GALK2: variants seen among roughly 807,000 people sequenced by gnomAD.
GALK2 encodes N-acetylgalactosamine kinase.
A neutral mutation model predicts 52.4 loss-of-function variants in GALK2; 36 were observed. The ratio of observed to expected loss-of-function variants is 0.69; its 90% CI spans 0.53 to 0.91. The LOEUF is 0.91. Ranked by LOEUF, GALK2 falls within the 40% of genes least tolerant of loss-of-function variation. The pLI is 0.00. For synonymous variants in GALK2, 176 were observed against 199.1 expected (o/e 0.88, Z 0.98); for missense variants, 579 against 559.1 (o/e 1.04, Z -0.36).
At position 49,329,696 on chromosome 15, in the gene GALK2, T is replaced by C. The variant is rs534277253; in HGVS notation, c.*1537T>C. The C allele has an allele frequency of 6.2e-6, 6 of 975,180 alleles. No homozygotes were observed. The highest frequency in any genetic ancestry group is 7.3e-6 in the Non-Finnish European group (6 of 820,646). The allele number at this position is 975,180 out of a possible 1,614,324, so 60.4% of individuals were successfully genotyped here. On this transcript the variant is annotated 3_prime_UTR_variant, in exon 10 of 10. Coordinates refer to ENST00000560031, the MANE Select transcript of GALK2 (RefSeq NM_002044.4). Reference sequence around the variant, plus strand: ...TTTGAGTTCTATAAATCCAAAAATCTGAAACCTGAATTTATTTAAATTTAT... The same window carrying C: ...TTTGAGTTCTATAAATCCAAAAATCCGAAACCTGAATTTATTTAAATTTAT...
chr15:49,183,799 C>T (rs908825919), intron 1 of GALK2, among the ~76,000 whole-genome samples: 24 of 149,592 alleles, frequency 1.6e-4, no homozygotes, highest in South Asian at 4.2e-4. Context: ...GCCAAGATCA[C>T]ACCATTGCAC....
At chr15:49,311,635 T>C (rs2035997045) in intron 8 of GALK2, among the ~76,000 whole-genome samples, 1 of 152,258 alleles carries the variant, frequency 6.6e-6, no homozygotes, top group Admixed American at 6.5e-5. Context: ...GTTTAATTCC[T>C]ATGTGGATGT....
chr15:49,241,488 G>A (rs2091091498), intron 5 of GALK2, among the ~76,000 whole-genome samples: 1 of 152,156 alleles, frequency 6.6e-6, no homozygotes, highest in South Asian at 2.1e-4. Context: ...TGAAAGGAGT[G>A]GTAGTGTTGT....
chr15:49,367,598 C>T (rs759641323), exon 4 of GALK2: 6 of 1,570,412 alleles, frequency 3.8e-6, no homozygotes, highest in South Asian at 1.2e-5. Flanking sequence ...ACCAGTACTA[C>T]TATAGTGCGA....
At chr15:49,176,127 A>G (rs999989806) in intron 1 of GALK2, among the ~76,000 whole-genome samples, 1 of 152,262 alleles carries the variant, frequency 6.6e-6, no homozygotes, top group Admixed American at 6.5e-5. Flanking sequence ...CCAGAGAGAC[A>G]TGAATATGGC....
At chr15:49,237,918 T>A (rs893359176) in intron 4 of GALK2, among the ~76,000 whole-genome samples, 5 of 152,078 alleles carry the variant, frequency 3.3e-5, no homozygotes, top group Non-Finnish European at 5.9e-5. Context: ...AGAGTTTCAG[T>A]TTATAGTTTG....
chr15:49,255,038 C>T (rs952249028), intron 5 of GALK2, among the ~76,000 whole-genome samples: 1 of 143,350 alleles, frequency 7.0e-6, no homozygotes. Flanking sequence ...GCGGACATCA[C>T]CTCTGAGTAC....
At chr15:49,308,038 A>T (rs866566583) in intron 8 of GALK2, among the ~76,000 whole-genome samples, 1 of 152,230 alleles carries the variant, frequency 6.6e-6, no homozygotes, top group South Asian at 2.1e-4. Context: ...TAACATTTTT[A>T]AAAAATATTA....
intron 8 of GALK2, among the ~76,000 whole-genome samples, chr15:49,313,013 C>T (rs2036120072): frequency 6.6e-6 from 1 of 152,156 alleles, no homozygotes; most frequent in South Asian, 2.1e-4. Flanking sequence ...GGACCACAAG[C>T]ACATACCTGC....
Position 49,201,055 on chromosome 15 carries a change from T to TGG in GALK2, c.54-106_54-105insGG, listed in dbSNP as rs761925657. 5.3e-4 allele frequency: 98 copies of TGG among 183,764 alleles called. 1 individual carries two copies. The highest frequency in any genetic ancestry group is 1.1e-3 in the Non-Finnish European group (90 of 84,098). The allele number at this position is 183,764 out of a possible 1,614,324, so 11.4% of individuals were successfully genotyped here. ...AATTAATGGTGGCAGGCATATGGAG[T>TGG]GTGTGTGTGTGTGTGTGTGTGTGTG... is the stretch of plus-strand genomic sequence containing the variant. On this transcript the variant is annotated intron_variant, in intron 1 of 9. Coordinates refer to ENST00000560031, the MANE Select transcript of GALK2 (RefSeq NM_002044.4).
chr15:49,365,955 C>T, intron 3 of GALK2: 7 of 878,556 alleles, frequency 8.0e-6, no homozygotes, highest in Admixed American at 1.7e-5. Context: ...CATAAACTAA[C>T]CATTTGTGGA....
intron 5 of GALK2, among the ~76,000 whole-genome samples, chr15:49,250,655 A>G (rs2091553524): frequency 6.6e-6 from 1 of 152,166 alleles, no homozygotes; most frequent in Admixed American, 6.6e-5. Flanking sequence ...ATGTAATTAT[A>G]CCATATTGTC....
chr15:49,189,765 C>T (rs959022602), intron 1 of GALK2, among the ~76,000 whole-genome samples: 2 of 152,138 alleles, frequency 1.3e-5, no homozygotes, highest in Admixed American at 1.3e-4. Flanking sequence ...AGGGAAGACT[C>T]ATGACCTGGG....
chr15:49,321,695 T>C (rs1360349484), intron 9 of GALK2, among the ~76,000 whole-genome samples: 1 of 152,198 alleles, frequency 6.6e-6, no homozygotes, highest in Non-Finnish European at 1.5e-5. Flanking sequence ...CACATATGAG[T>C]TCATTGGAAA....
intron 5 of GALK2, among the ~76,000 whole-genome samples, chr15:49,264,569 A>G (rs1418212556): frequency 1.3e-5 from 2 of 152,168 alleles, no homozygotes; most frequent in Non-Finnish European, 2.9e-5. Flanking sequence ...TTCTTCTCTC[A>G]GCTCGTCAAA....
intron 8 of GALK2, among the ~76,000 whole-genome samples, chr15:49,294,786 A>G (rs2034306927): frequency 6.6e-6 from 1 of 152,202 alleles, no homozygotes; most frequent in Non-Finnish European, 1.5e-5. Context: ...ATGGAGGGAA[A>G]AGTGGCTCAG....
At position 49,248,279 on chromosome 15, in the gene GALK2, A is replaced by G. The variant is rs541713803; in HGVS notation, c.504+8912A>G. ...ATGGTATAAGAAAAATCAGAAACCA[A>G]TTTGCACTGTCACTAATTATTATGC... is the stretch of plus-strand genomic sequence containing the variant. On this transcript the variant is annotated intron_variant, in intron 5 of 9. Transcript: ENST00000560031. Among the ~76,000 whole-genome samples the G allele has an allele frequency of 8.9e-4, 135 of 152,340 alleles. 1 individual carries two copies. The highest frequency in any genetic ancestry group is 3.0e-3 in the African/African-American group (126 of 41,588).
chr15:49,212,470 G>GT (rs2088998356), intron 2 of GALK2, among the ~76,000 whole-genome samples: 1 of 124,004 alleles, frequency 8.1e-6, no homozygotes. Context: ...TAATTTCATT[G>GT]ATTTTTTTTT....
intron 3 of GALK2, among the ~76,000 whole-genome samples, chr15:49,362,112 A>G (rs1267299853): frequency 6.6e-6 from 1 of 151,806 alleles, no homozygotes; most frequent in African/African-American, 2.4e-5. Flanking sequence ...GTGCTTGTTG[A>G]TTTAAGTTCC....
Sources: gnomAD v4.1 joint callset for allele counts (sites outside exome capture counted in the v4.1 genomes callset) on GRCh38, gnomAD v4.1.1 for gene constraint, MANE v1.5 for transcripts, NCBI Gene and HGNC (gene_info 2026-07-23, HGNC 2026-07-21) for gene names.